Variants in PAPPA2 observed in about 807,000 individuals in gnomAD.
PAPPA2 encodes pappalysin 2.
Under a neutral mutation model 176.4 loss-of-function variants are expected in PAPPA2, and 86 were observed. That is an observed-to-expected ratio of 0.49 (90% CI 0.41 to 0.58). The LOEUF is 0.58. Ranked by LOEUF, PAPPA2 falls within the 20% of genes least tolerant of loss-of-function variation. The pLI, the probability that PAPPA2 is intolerant of heterozygous loss-of-function variation, is 0.00. For synonymous variants in PAPPA2, 809 were observed against 852.2 expected (o/e 0.95, Z 0.88); for missense variants, 2,073 against 2,256.9 (o/e 0.92, Z 1.65).
In PAPPA2 at chr1:176,747,430, A is replaced by G. The variant is rs539106338; in HGVS notation, c.4151+7234A>G. On this transcript the variant is annotated intron_variant, in intron 14 of 22. Coordinates refer to ENST00000367662, the MANE Select transcript of PAPPA2 (RefSeq NM_020318.3). ...CAGATTAGGGCAATTTTATGGGCAC[A>G]ACCCAGAGGATTTGAAGACAATAGA... 6.8e-4 allele frequency among the ~76,000 whole-genome samples: 104 copies of G among 152,340 alleles called. 1 individual carries two copies. The highest frequency in any genetic ancestry group is 1.4e-3 in the Non-Finnish European group (92 of 68,036).
intron 3 of PAPPA2, among the ~76,000 whole-genome samples, chr1:176,606,711 C>G (rs1460968986): frequency 6.6e-6 from 1 of 152,154 alleles, no homozygotes; most frequent in African/African-American, 2.4e-5. Flanking sequence ...GATCTGCCTG[C>G]CTTAGCCTCC....
At chr1:176,523,753 C>T (rs948630343) in intron 1 of PAPPA2, among the ~76,000 whole-genome samples, 3 of 152,274 alleles carry the variant, frequency 2.0e-5, no homozygotes, top group Admixed American at 6.5e-5. Flanking sequence ...AGAAATAAAA[C>T]AATTATACCT....
At chr1:176,550,079 A>C (rs1010715798) in intron 1 of PAPPA2, among the ~76,000 whole-genome samples, 3 of 152,228 alleles carry the variant, frequency 2.0e-5, no homozygotes, top group Non-Finnish European at 4.4e-5. Context: ...TCAGAATGTC[A>C]TAGAAATGGA....
intron 3 of PAPPA2, among the ~76,000 whole-genome samples, chr1:176,612,466 C>G (rs531193951): frequency 6.6e-6 from 1 of 152,194 alleles, no homozygotes; most frequent in South Asian, 2.1e-4. Context: ...ATTCAGTATA[C>G]AAAGTGATTG....
intron 3 of PAPPA2, among the ~76,000 whole-genome samples, chr1:176,623,686 TC>T (rs1655794661): frequency 1.4e-5 from 2 of 144,994 alleles, no homozygotes; most frequent in African/African-American, 5.3e-5. Flanking sequence ...TCTTTCTTTC[TC>T]TCTCTCTTTC....
intron 21 of PAPPA2, among the ~76,000 whole-genome samples, chr1:176,829,920 C>G (rs1485962681): frequency 1.3e-5 from 2 of 152,232 alleles, no homozygotes; most frequent in South Asian, 2.1e-4. Context: ...AAATTCTGCT[C>G]TCAATTTCAT....
At position 176,840,220 on chromosome 1, in the gene PAPPA2, C is replaced by T. The variant is rs558311869; in HGVS notation, c.5250C>T (p.Tyr1750=). The T allele has an allele frequency of 1.2e-5, 20 of 1,613,582 alleles. No individual in the cohort carries two copies. Among genetic ancestry groups the T allele is most frequent in the Middle Eastern group, 3.3e-4 (2 of 6,060 alleles). The change falls in exon 22 of 23, where the codon TAC becomes TAT. Residue 1750 remains tyrosine (Y), a synonymous_variant. Transcript: ENST00000367662. ...GWCDTINNRA[Y]CHYDGGDCCS... ...GTGACACTATCAACAACCGAGCCTACTGCCACTATGACGGGGGAGACTGCT... is the reference window on the plus strand; with the variant it reads ...GTGACACTATCAACAACCGAGCCTATTGCCACTATGACGGGGGAGACTGCT...
intron 2 of PAPPA2, among the ~76,000 whole-genome samples, chr1:176,560,040 C>T (rs528045795): frequency 6.6e-6 from 1 of 152,236 alleles, no homozygotes; most frequent in East Asian, 1.9e-4. Flanking sequence ...AGTAGGCAGC[C>T]ACGTAGTGGG....
intron 3 of PAPPA2, among the ~76,000 whole-genome samples, chr1:176,615,903 TG>T (rs1655195377): frequency 6.6e-6 from 1 of 152,226 alleles, no homozygotes; most frequent in African/African-American, 2.4e-5. Flanking sequence ...AGTATGGTGC[TG>T]GGTGTTTTGG....
At chr1:176,820,708 G>A (rs55806119) in intron 21 of PAPPA2, among the ~76,000 whole-genome samples, 23,072 of 152,004 alleles carry the variant, frequency 0.15, 1,854 homozygotes, top group Middle Eastern at 0.24. Flanking sequence ...CCCACAGCAT[G>A]TGCAAATTCT....
At chr1:176,512,095 T>C (rs1648631225) in intron 1 of PAPPA2, among the ~76,000 whole-genome samples, 1 of 151,946 alleles carries the variant, frequency 6.6e-6, no homozygotes, top group Non-Finnish European at 1.5e-5. Context: ...AAATATTTCA[T>C]ATCATTTTTC....
chr1:176,614,885 G>A (rs551523420), intron 3 of PAPPA2, among the ~76,000 whole-genome samples: 16 of 152,064 alleles, frequency 1.1e-4, no homozygotes, highest in South Asian at 1.0e-3. Flanking sequence ...TACACAGCTC[G>A]AAAGGCATGT....
rs571643766 is a variant in PAPPA2, at chr1:176,756,748, A to C, written c.4152-8918A>C. 5.9e-5 allele frequency among the ~76,000 whole-genome samples: 9 copies of C among 152,210 alleles called. No individual in the cohort carries two copies. The East Asian group carries it at 1.7e-3, about 29-fold the overall frequency. Reference sequence around the variant, plus strand: ...TATCATACTTTAAGTTCTAGGGTACATGTGCACAATGTGCAGGTTTGTTAC... The same window carrying C: ...TATCATACTTTAAGTTCTAGGGTACCTGTGCACAATGTGCAGGTTTGTTAC... On this transcript the variant is annotated intron_variant, in intron 14 of 22. Transcript: ENST00000367662.
At chr1:176,693,774 C>T (rs1660230905) in intron 6 of PAPPA2, among the ~76,000 whole-genome samples, 1 of 152,196 alleles carries the variant, frequency 6.6e-6, no homozygotes, top group Admixed American at 6.5e-5. Context: ...CAGCACACAT[C>T]TGTGTGATGT....
intron 2 of PAPPA2, among the ~76,000 whole-genome samples, chr1:176,570,836 C>T (rs1403709611): frequency 6.6e-6 from 1 of 152,054 alleles, no homozygotes; most frequent in Non-Finnish European, 1.5e-5. Flanking sequence ...GGTGTGCTGC[C>T]AAAAGCCAAG....
intron 1 of PAPPA2, among the ~76,000 whole-genome samples, chr1:176,539,847 G>A (rs764596027): frequency 2.0e-5 from 3 of 152,212 alleles, no homozygotes; most frequent in Non-Finnish European, 4.4e-5. Flanking sequence ...ACATTTTGCT[G>A]TGGCCATGCA....
At chr1:176,625,633 C>T (rs990443648) in intron 3 of PAPPA2, among the ~76,000 whole-genome samples, 13 of 152,218 alleles carry the variant, frequency 8.5e-5, no homozygotes, top group African/African-American at 2.9e-4. Flanking sequence ...ATCCCACTGG[C>T]ATCCCATACT....
At chr1:176,572,811 A>T (rs1652427784) in intron 2 of PAPPA2, among the ~76,000 whole-genome samples, 1 of 152,198 alleles carries the variant, frequency 6.6e-6, no homozygotes, top group African/African-American at 2.4e-5. Context: ...GGTCATGTTC[A>T]TTGCAATAGG....
intron 10 of PAPPA2, among the ~76,000 whole-genome samples, chr1:176,709,461 A>G (rs1661040424): frequency 6.6e-6 from 1 of 152,210 alleles, no homozygotes; most frequent in Non-Finnish European, 1.5e-5. Context: ...TATATTCTCC[A>G]GTGTAATAGC....
Sources: allele counts gnomAD v4.1 joint callset (sites outside exome capture counted in the v4.1 genomes callset), GRCh38; gene constraint gnomAD v4.1.1; transcripts MANE v1.5; gene names NCBI Gene and HGNC (gene_info 2026-07-23, HGNC 2026-07-21).